Variants in RHOBTB1 observed in about 807,000 individuals in gnomAD.
The protein encoded by RHOBTB1 is Rho related BTB domain containing 1, also known as rho-related BTB domain-containing protein 1.
In RHOBTB1, 40 loss-of-function variants were observed where a neutral mutation model predicts 71.6. That is an observed-to-expected ratio of 0.56 (90% CI 0.43 to 0.73). RHOBTB1 has a LOEUF of 0.73. Among genes scored for constraint, RHOBTB1 ranks in the 30% least tolerant of loss-of-function variants. The pLI, the probability that RHOBTB1 is intolerant of heterozygous loss-of-function variation, is 0.00. For missense variants in RHOBTB1, 797 were observed against 894.0 expected (o/e 0.89, Z 1.38); for synonymous variants, 319 against 334.9 (o/e 0.95, Z 0.52).
chr10:60,861,908 A>G, the RHOBTB1 span, among the ~76,000 whole-genome samples: 1 of 152,244 alleles, frequency 6.6e-6, no homozygotes, highest in Non-Finnish European at 1.5e-5. Flanking sequence ...AAGACCAGAA[A>G]GATGATCCAA....
chr10:60,903,918 T>C (rs1383790568), intron 4 of RHOBTB1, among the ~76,000 whole-genome samples: 2 of 152,156 alleles, frequency 1.3e-5, no homozygotes, highest in East Asian at 1.9e-4. Context: ...CACACAAACC[T>C]TTCTTCATAT....
chr10:60,867,116 C>T (rs12218029), downstream of RHOBTB1, among the ~76,000 whole-genome samples: 11,049 of 152,240 alleles, frequency 0.073, 465 homozygotes, highest in South Asian at 0.095. Context: ...ACTGAAAACT[C>T]AGTGATATCT....
intron 2 of RHOBTB1, among the ~76,000 whole-genome samples, chr10:60,949,638 G>GGTATTGAT: frequency 7.0e-6 from 1 of 143,334 alleles, no homozygotes; most frequent in African/African-American, 2.6e-5. Context: ...TATGACTGTT[G>GGTATTGAT]GTATTGATGT....
At position 60,936,753 on chromosome 10, in the gene RHOBTB1, T is replaced by C. The variant is rs576916092; in HGVS notation, c.-11+5051A>G. On this transcript the variant is annotated intron_variant, in intron 2 of 10. Coordinates refer to ENST00000337910, the MANE Select transcript of RHOBTB1 (RefSeq NM_014836.5). Reference sequence around the variant, plus strand: ...AATCTGCACTTTAACAAGATGCCCATTTTTGTTGTATGCACATGAAAGCTT... The same window carrying C: ...AATCTGCACTTTAACAAGATGCCCACTTTTGTTGTATGCACATGAAAGCTT... Among the ~76,000 whole-genome samples, 3 of 152,342 alleles carry C rather than the reference T, an allele frequency of 2.0e-5. No homozygotes were observed. The South Asian group carries it at 6.2e-4, about 32-fold the overall frequency.
At chr10:60,918,379 T>C (rs1470633101) in intron 2 of RHOBTB1, among the ~76,000 whole-genome samples, 1 of 152,136 alleles carries the variant, frequency 6.6e-6, no homozygotes, top group Non-Finnish European at 1.5e-5. Flanking sequence ...GTTCTGTCCC[T>C]CTCTTATGAA....
intron 2 of RHOBTB1, among the ~76,000 whole-genome samples, chr10:60,934,182 C>T (rs757817951): frequency 6.6e-6 from 1 of 152,160 alleles, no homozygotes; most frequent in Non-Finnish European, 1.5e-5. Flanking sequence ...GTGAAATTAA[C>T]ATCTACTCTT....
chr10:60,970,083 C>T (rs893466533), intron 2 of RHOBTB1, among the ~76,000 whole-genome samples: 1 of 152,068 alleles, frequency 6.6e-6, no homozygotes, highest in African/African-American at 2.4e-5. Context: ...TGTATCTGGT[C>T]AGGGCATCAT....
At chr10:60,950,838 T>C (rs1405768878) in intron 2 of RHOBTB1, among the ~76,000 whole-genome samples, 1 of 152,058 alleles carries the variant, frequency 6.6e-6, no homozygotes, top group East Asian at 1.9e-4. Flanking sequence ...ATTCCCCCAA[T>C]TCCTCCCTCC....
intron 4 of RHOBTB1, among the ~76,000 whole-genome samples, chr10:60,902,147 G>A (rs1001153024): frequency 5.3e-5 from 8 of 152,180 alleles, no homozygotes; most frequent in Non-Finnish European, 1.2e-4. Context: ...AGTTCAGAGC[G>A]CGAAGGACAG....
chr10:60,989,377 G>A (rs2086779373), intron 1 of RHOBTB1, among the ~76,000 whole-genome samples: 1 of 152,128 alleles, frequency 6.6e-6, no homozygotes, highest in African/African-American at 2.4e-5. Flanking sequence ...TATATTTTAT[G>A]GTAGATTTTC....
intron 2 of RHOBTB1, among the ~76,000 whole-genome samples, chr10:60,974,447 A>T (rs557941086): frequency 6.6e-6 from 1 of 152,070 alleles, no homozygotes; most frequent in Admixed American, 6.6e-5. Context: ...TTCACTATGA[A>T]CAAAATGCCT....
chr10:60,991,549 G>A (rs540587580), intron 1 of RHOBTB1, among the ~76,000 whole-genome samples: 1 of 151,662 alleles, frequency 6.6e-6, no homozygotes. Flanking sequence ...TCCTGCCTCA[G>A]CCTCCTGAGC....
intron 2 of RHOBTB1, among the ~76,000 whole-genome samples, chr10:60,964,547 T>A (rs1254913338): frequency 6.6e-6 from 1 of 152,152 alleles, no homozygotes; most frequent in African/African-American, 2.4e-5. Context: ...TCTTGCCAGA[T>A]AAAAATTTCT....
chr10:60,877,400 AT>A (rs1331556765), intron 8 of RHOBTB1, among the ~76,000 whole-genome samples: 3 of 152,188 alleles, frequency 2.0e-5, no homozygotes, highest in African/African-American at 7.2e-5. Flanking sequence ...TATTAGCCCC[AT>A]TTTAAAGAGC....
At chr10:60,899,955 G>T (rs1021502731) in intron 4 of RHOBTB1, among the ~76,000 whole-genome samples, 11 of 152,130 alleles carry the variant, frequency 7.2e-5, no homozygotes, top group Non-Finnish European at 1.3e-4. Context: ...GAAGCCCTTG[G>T]GGAAGGGAGG....
chr10:60,932,249 G>A (rs1289824905), intron 2 of RHOBTB1, among the ~76,000 whole-genome samples: 1 of 152,112 alleles, frequency 6.6e-6, no homozygotes, highest in African/African-American at 2.4e-5. Flanking sequence ...TAAGCTAACA[G>A]TAGCTAGCTC....
chr10:60,906,391 T>C (rs1182383282), intron 4 of RHOBTB1, among the ~76,000 whole-genome samples: 2 of 152,118 alleles, frequency 1.3e-5, no homozygotes, highest in Admixed American at 6.6e-5. Flanking sequence ...AGATGGTGAG[T>C]GCTGGTCTTC....
intron 2 of RHOBTB1, among the ~76,000 whole-genome samples, chr10:60,952,822 A>T (rs2085460070): frequency 6.6e-6 from 1 of 152,088 alleles, no homozygotes; most frequent in South Asian, 2.1e-4. Flanking sequence ...AGTTGAAGAG[A>T]ACTGATCTCT....
intron 2 of RHOBTB1, among the ~76,000 whole-genome samples, chr10:60,982,558 T>C (rs937879274): frequency 6.6e-6 from 1 of 152,144 alleles, no homozygotes; most frequent in Non-Finnish European, 1.5e-5. Flanking sequence ...CAAGCATCCT[T>C]GGCCTCCCTA....
Sources: allele counts gnomAD v4.1 joint callset (sites outside exome capture counted in the v4.1 genomes callset), GRCh38; gene constraint gnomAD v4.1.1; transcripts MANE v1.5; gene names NCBI Gene and HGNC (gene_info 2026-07-23, HGNC 2026-07-21).